SYNE1: variants seen among roughly 807,000 people sequenced by gnomAD.
SYNE1 encodes spectrin repeat containing nuclear envelope protein 1.
A neutral mutation model predicts 1,111.0 loss-of-function variants in SYNE1; 616 were observed. That is an observed-to-expected ratio of 0.55 (90% CI 0.52 to 0.59). The LOEUF is 0.59. SYNE1 is among the 20% of genes least tolerant of loss of function. The pLI, the probability that SYNE1 is intolerant of heterozygous loss-of-function variation, is 0.00. For synonymous variants in SYNE1, 3,855 were observed against 3,825.8 expected (o/e 1.01, Z -0.28); for missense variants, 10,006 against 10,417.0 (o/e 0.96, Z 1.72).
chr6:152,166,673 T>C (rs2063723732), intron 130 of SYNE1, among the ~76,000 whole-genome samples: 2 of 152,352 alleles, frequency 1.3e-5, no homozygotes, highest in Admixed American at 1.3e-4. Context: ...TATAGTCCAT[T>C]AGGGACAAGT....
intron 3 of SYNE1, among the ~76,000 whole-genome samples, chr6:152,574,699 T>A (rs1347834137): frequency 6.6e-6 from 1 of 152,218 alleles, no homozygotes; most frequent in Non-Finnish European, 1.5e-5. Flanking sequence ...ACTTTATATG[T>A]TTGCATGAAA....
In SYNE1 at chr6:152,148,884, T is replaced by C. The variant is rs1044684780; in HGVS notation, c.24643-506A>G. 1.3e-5 allele frequency among the ~76,000 whole-genome samples: 2 copies of C among 152,148 alleles called. No individual in the cohort carries two copies. Among genetic ancestry groups the C allele is most frequent in the Non-Finnish European group, 2.9e-5 (2 of 68,030 alleles). ...AGGATCGGAAATAAGAGCAAATTAC[T>C]AAGACCTTAGCTTGTCCTTATAGCC... On this transcript the variant is annotated intron_variant, in intron 136 of 145. Transcript: ENST00000367255. The surrounding 1 kb of genome is among the most constrained non-coding windows in gnomAD (Gnocchi z 4.1).
At position 152,411,609 on chromosome 6, in the gene SYNE1, C is replaced by T. The variant is rs573266201; in HGVS notation, c.6230+1743G>A. Among the ~76,000 whole-genome samples, 31 of 152,114 alleles carry T rather than the reference C, an allele frequency of 2.0e-4. No homozygotes were observed. The South Asian group carries it at 2.3e-3, about 11-fold the overall frequency. On this transcript the variant is annotated intron_variant, in intron 42 of 145. Transcript: ENST00000367255. ...AAATAACTTAACAAAATATGTTCAACGTCAGTCATCAGGGATATACAAATT... is the reference window on the plus strand; with the variant it reads ...AAATAACTTAACAAAATATGTTCAATGTCAGTCATCAGGGATATACAAATT...
intron 125 of SYNE1, among the ~76,000 whole-genome samples, chr6:152,207,416 C>A (rs17082326): frequency 0.078 from 11,860 of 152,086 alleles, 634 homozygotes; most frequent in South Asian, 0.19. Flanking sequence ...GTCATGTCTG[C>A]GAATGAGGGC....
intron 3 of SYNE1, among the ~76,000 whole-genome samples, chr6:152,558,838 C>A (rs555257370): frequency 1.4e-4 from 21 of 152,118 alleles, no homozygotes. Flanking sequence ...TAAACCTAAA[C>A]AATGTAACAG....
intron 30 of SYNE1, 80 bp from the exon 31 acceptor site, chr6:152,442,325 C>T: frequency 6.4e-7 from 1 of 1,553,796 alleles, no homozygotes; most frequent in Non-Finnish European, 8.8e-7. Context: ...CCACGCTTAA[C>T]AGAAGTACAG....
intron 51 of SYNE1, among the ~76,000 whole-genome samples, chr6:152,392,416 T>C (rs1448578357): frequency 1.3e-5 from 2 of 152,174 alleles, no homozygotes; most frequent in Non-Finnish European, 2.9e-5. Flanking sequence ...TTTATTCCCA[T>C]TTTATAGAGT....
chr6:152,346,101 C>G (rs937287388), intron 73 of SYNE1, among the ~76,000 whole-genome samples: 1 of 152,178 alleles, frequency 6.6e-6, no homozygotes, highest in Non-Finnish European at 1.5e-5. Context: ...TCTATTCAAA[C>G]ACATCAACTA....
At chr6:152,424,971 G>C (rs1708604322) in intron 39 of SYNE1, among the ~76,000 whole-genome samples, 1 of 152,100 alleles carries the variant, frequency 6.6e-6, no homozygotes, top group South Asian at 2.1e-4. Context: ...AATCTCCCTT[G>C]CTCTCTCCAG....
At chr6:152,417,149 G>T in intron 40 of SYNE1, 134 bp from the exon 41 acceptor site, 3 of 1,288,156 alleles carry the variant, frequency 2.3e-6, no homozygotes, top group Non-Finnish European at 3.2e-6. Flanking sequence ...CATCTACAGT[G>T]AATCTTAGAA....
At chr6:152,318,299 C>A (rs143400026) in intron 85 of SYNE1, 36 bp from the exon 86 acceptor site, 2 of 1,611,766 alleles carry the variant, frequency 1.2e-6, no homozygotes, top group African/African-American at 2.7e-5. Flanking sequence ...CATTAGAGTA[C>A]AGAAAATAAA....
chr6:152,400,996 T>C (rs1591932558), intron 47 of SYNE1, 142 bp downstream of exon 47: 1 of 744,648 alleles, frequency 1.3e-6, no homozygotes, highest in East Asian at 2.7e-5. Context: ...CTTACTTTGC[T>C]GTGTTCAATG....
rs1184959710 is a variant in SYNE1 at position 152,176,496 on chromosome 6, C to T, written c.23525G>A (p.Arg7842Gln). The T allele has an allele frequency of 5.0e-6, 8 of 1,614,100 alleles. No individual in the cohort carries two copies. Among genetic ancestry groups the T allele is most frequent in the East Asian group, 4.5e-5 (2 of 44,878 alleles). ...GCTTTCATGGCTGGCTTTAGCAAGT[C>T]GTTCTCCCATTTGTTGGAGCTGTAT... is the stretch of plus-strand genomic sequence containing the variant. ...NKIQLQQMGE[R>Q]LAKASHESKA... The change falls in exon 130 of 146, where the codon CGA (arginine) becomes CAA (glutamine). Residue 7842 changes from arginine to glutamine, a missense_variant. Coordinates refer to ENST00000367255, the MANE Select transcript of SYNE1 (RefSeq NM_182961.4).
intron 130 of SYNE1, among the ~76,000 whole-genome samples, chr6:152,165,946 C>T (rs139524432): frequency 1.3e-5 from 2 of 152,292 alleles, no homozygotes; most frequent in African/African-American, 4.8e-5. Context: ...GAAGAGTTTA[C>T]CATCAATAAA....
rs376707215 is a variant in SYNE1 at position 152,327,534 on chromosome 6, C to T, written c.14956-901G>A. The stretch of plus-strand genomic sequence containing the variant: ...CCATCAATGACTAGACAAGATAAGC[C>T]GCAACTGTGCAAGCGAAGATGCATA... On this transcript the variant is annotated intron_variant, in intron 78 of 145. Transcript: ENST00000367255. 5.9e-5 allele frequency among the ~76,000 whole-genome samples: 9 copies of T among 152,166 alleles called. No individual in the cohort carries two copies. In the East Asian group the frequency reaches 1.5e-3, roughly 26 times the overall value.
rs768904254 is a variant in SYNE1, at chr6:152,218,259, T to C, written c.22189A>G (p.Lys7397Glu). The stretch of plus-strand genomic sequence containing the variant: ...GACTCAGATTTGAACACACTTACCT[T>C]AAGTTCTTCCATCCTTTCCTGGATT... Reference protein sequence around the residue: ...STIQERMEELKGQMLKFSSMA... With the variant: ...STIQERMEELEGQMLKFSSMA... Residue 7397 changes from lysine to glutamate, a missense_variant and splice_region_variant, in exon 121 of 146, where the codon AAG becomes GAG. Transcript: ENST00000367255. 2.0e-5 allele frequency: 32 copies of C among 1,613,952 alleles called. No individual in the cohort carries two copies. The highest frequency in any genetic ancestry group is 2.6e-5 in the Non-Finnish European group (31 of 1,179,986).
At chr6:152,587,349 C>A (rs2099543435) in intron 3 of SYNE1, among the ~76,000 whole-genome samples, 1 of 152,212 alleles carries the variant, frequency 6.6e-6, no homozygotes, top group African/African-American at 2.4e-5. Flanking sequence ...GGGCTAGCTG[C>A]TGCTCCTTTG....
intron 50 of SYNE1, among the ~76,000 whole-genome samples, chr6:152,395,931 G>T (rs1478638361): frequency 6.6e-6 from 1 of 152,164 alleles, no homozygotes; most frequent in East Asian, 1.9e-4. Flanking sequence ...TTCATAGCTG[G>T]TAATTGCCAA....
chr6:152,327,527 G>T (rs1426249165), intron 78 of SYNE1, among the ~76,000 whole-genome samples: 11 of 152,196 alleles, frequency 7.2e-5, no homozygotes, highest in African/African-American at 2.4e-4. Context: ...GACTAGACAA[G>T]ATAAGCCGCA....
Sources: allele counts gnomAD v4.1 joint callset (sites outside exome capture counted in the v4.1 genomes callset), GRCh38; gene constraint gnomAD v4.1.1; non-coding constraint Gnocchi (gnomAD v3.1); transcripts MANE v1.5; gene names NCBI Gene and HGNC (gene_info 2026-07-23, HGNC 2026-07-21).